PIK3C3: variants seen among roughly 807,000 people sequenced by gnomAD.
The protein encoded by PIK3C3 is PI3-kinase type 3.
A neutral mutation model predicts 126.1 loss-of-function variants in PIK3C3; 95 were observed. The observed-to-expected ratio is 0.75, with a 90% CI of 0.64 to 0.89. PIK3C3 has a LOEUF of 0.89. Among genes scored for constraint, PIK3C3 ranks in the 40% least tolerant of loss-of-function variants. The pLI is 0.00. For missense variants in PIK3C3, 829 were observed against 1,063.2 expected (o/e 0.78, Z 3.06); for synonymous variants, 374 against 360.0 (o/e 1.04, Z -0.44).
intron 15 of PIK3C3, among the ~76,000 whole-genome samples, chr18:42,031,134 C>T (rs73452300): frequency 0.044 from 6,729 of 152,212 alleles, 478 homozygotes; most frequent in African/African-American, 0.15. Flanking sequence ...GCAGAGATAG[C>T]GCTCTACTAC....
chr18:42,027,728 C>T (rs1567989906), intron 14 of PIK3C3, among the ~76,000 whole-genome samples, 180 bp downstream of exon 14: 1 of 152,158 alleles, frequency 6.6e-6, no homozygotes, highest in Non-Finnish European at 1.5e-5. Context: ...CATCTCAGCT[C>T]ACTGCAGCCT....
At chr18:41,961,844 A>G (rs147640833) in intron 2 of PIK3C3, among the ~76,000 whole-genome samples, 2 of 152,298 alleles carry the variant, frequency 1.3e-5, no homozygotes, top group African/African-American at 4.8e-5. Context: ...GTCATTAACT[A>G]TATTATTATT....
intron 6 of PIK3C3, among the ~76,000 whole-genome samples, chr18:41,991,339 A>T (rs1981767073): frequency 6.6e-6 from 1 of 152,154 alleles, no homozygotes; most frequent in Admixed American, 6.6e-5. Context: ...CCTGGGCAAC[A>T]TGGCGAGACT....
chr18:41,959,246 C>G (rs1979952956), intron 2 of PIK3C3, among the ~76,000 whole-genome samples: 1 of 151,956 alleles, frequency 6.6e-6, no homozygotes, highest in Non-Finnish European at 1.5e-5. Context: ...CATGACTTGA[C>G]AAAAAAGGAA....
rs1431291285 is a variant in PIK3C3 at position 41,993,271 on chromosome 18, A to G, written c.716A>G (p.Asp239Gly). ...AAAAATTATTGCTCTGTAATCTAGG[A>G]CGGTGATGAATCATCTCCAATTTTA... Reference protein sequence around the residue: ...KEYGIVYYEKDGDESSPILTS... With the variant: ...KEYGIVYYEKGGDESSPILTS... Residue 239 changes from aspartate (D) to glycine (G), a missense_variant and splice_region_variant, in exon 7 of 25, where the codon GAC becomes GGC. Asp to Gly is a moderately conservative substitution (Grantham distance 94). Transcript: ENST00000262039. 3.1e-6 allele frequency: 5 copies of G among 1,595,584 alleles called. No individual in the cohort carries two copies. The highest frequency in any genetic ancestry group is 4.3e-6 in the Non-Finnish European group (5 of 1,164,262).
chr18:41,970,563 T>A, intron 4 of PIK3C3, 107 bp downstream of exon 4: 1 of 981,794 alleles, frequency 1.0e-6, no homozygotes, highest in Non-Finnish European at 1.6e-6. Flanking sequence ...ATCTAAATCT[T>A]AACTTTTAAA....
rs535948412 is a variant in PIK3C3, at chr18:42,015,216, A to ACAAG, written c.1326-257_1326-256insGCAA. ...AAGCTAAATGGGCTTAAACAAACAA[A>ACAAG]CAAACAAACAAACAAACAGCACTTA... is the stretch of plus-strand genomic sequence containing the variant. On this transcript the variant is annotated intron_variant, in intron 11 of 24. Transcript: ENST00000262039. Among the ~76,000 whole-genome samples, 497 of 152,278 alleles carry ACAAG rather than the reference A, an allele frequency of 3.3e-3. 4 individuals carry two copies. Among genetic ancestry groups the ACAAG allele is most frequent in the African/African-American group, 0.012 (480 of 41,542 alleles).
intron 21 of PIK3C3, chr18:42,057,675 C>T (rs1211757796): frequency 2.4e-5 from 12 of 496,740 alleles, no homozygotes; most frequent in Admixed American, 4.2e-5. Flanking sequence ...GGCATAGTTT[C>T]GTGTGAACGA....
intron 18 of PIK3C3, among the ~76,000 whole-genome samples, chr18:42,040,156 C>CTTTTTTTTTTTTT (rs55821466): frequency 5.4e-5 from 6 of 110,552 alleles, no homozygotes; most frequent in African/African-American, 1.5e-4. Flanking sequence ...GTCCCCTTTC[C>CTTTTTTTTTTTTT]TTTTTTTTTT....
chr18:42,049,508 AT>A (rs762902776), intron 20 of PIK3C3, 22 bp from the exon 21 acceptor site: 205 of 1,582,198 alleles, frequency 1.3e-4, no homozygotes, highest in South Asian at 1.9e-4. Flanking sequence ...GTTTTCACAT[AT>A]TTTTTTTAAC....
intron 3 of PIK3C3, among the ~76,000 whole-genome samples, chr18:41,965,185 A>G (rs1298575750): frequency 1.3e-5 from 2 of 152,220 alleles, no homozygotes; most frequent in Non-Finnish European, 2.9e-5. Context: ...TTTGAGAAAT[A>G]ACCAGACATT....
chr18:42,039,384 G>A (rs765947315), intron 18 of PIK3C3, among the ~76,000 whole-genome samples: 6 of 152,158 alleles, frequency 3.9e-5, no homozygotes, highest in African/African-American at 1.2e-4. Flanking sequence ...TTTAAAAAGT[G>A]CAAATGTGCA....
rs377659429 is a variant in PIK3C3 at position 41,987,853 on chromosome 18, T to C, written c.573T>C (p.Asp191=). The C allele has an allele frequency of 3.7e-6, 6 of 1,606,792 alleles. No homozygotes were observed. The highest frequency in any genetic ancestry group is 1.1e-5 in the South Asian group (1 of 89,382). Residue 191 remains aspartate, a synonymous_variant, in exon 5 of 25, where the codon GAT becomes GAC. Coordinates refer to ENST00000262039, the MANE Select transcript of PIK3C3 (RefSeq NM_002647.4). The part of the protein sequence containing the change: ...AHRQGHMVKV[D]WLDRLTFREI... Reference sequence around the variant, plus strand: ...GACAAGGACACATGGTGAAAGTAGATTGGCTGGATAGATTGACATTTAGAG... The same window carrying C: ...GACAAGGACACATGGTGAAAGTAGACTGGCTGGATAGATTGACATTTAGAG...
intron 24 of PIK3C3, among the ~76,000 whole-genome samples, chr18:42,073,722 AT>A (rs11373835): frequency 4.4e-4 from 65 of 147,738 alleles, no homozygotes; most frequent in South Asian, 8.5e-4. Flanking sequence ...TTCTTGAGTA[AT>A]TTTTTTTTTT....
intron 4 of PIK3C3, chr18:41,970,716 A>G: frequency 1.7e-6 from 1 of 583,702 alleles, no homozygotes; most frequent in Non-Finnish European, 3.0e-6. Context: ...CCTAAAAGAA[A>G]CCGCACCATT....
intron 4 of PIK3C3, chr18:41,970,782 A>G (rs1980626867): frequency 4.2e-6 from 2 of 479,670 alleles, no homozygotes; most frequent in South Asian, 3.0e-5. Context: ...GTACTAATCT[A>G]CTTACTATCT....
chr18:42,075,214 T>C (rs1056211714), intron 24 of PIK3C3, among the ~76,000 whole-genome samples: 3 of 152,122 alleles, frequency 2.0e-5, no homozygotes, highest in African/African-American at 7.2e-5. Flanking sequence ...TCATTAGGAA[T>C]GAAGAATAGC....
At chr18:42,029,867 AATT>A (rs1272074496) in intron 15 of PIK3C3, among the ~76,000 whole-genome samples, 4 of 152,004 alleles carry the variant, frequency 2.6e-5, no homozygotes, top group African/African-American at 9.7e-5. Context: ...CTTACCATGA[AATT>A]ATAGTAATAG....
chr18:42,006,098 A>G (rs982479026), intron 10 of PIK3C3, among the ~76,000 whole-genome samples: 5 of 151,222 alleles, frequency 3.3e-5, no homozygotes, highest in African/African-American at 9.7e-5. Flanking sequence ...AAGGATACAG[A>G]AGAACAGCTA....
Sources: allele counts gnomAD v4.1 joint callset (sites outside exome capture counted in the v4.1 genomes callset), GRCh38; gene constraint gnomAD v4.1.1; transcripts MANE v1.5; gene names NCBI Gene and HGNC (gene_info 2026-07-23, HGNC 2026-07-21).